The following EGFLAM variants were observed in gnomAD, a reference collection of about 807,000 sequenced individuals.
EGFLAM encodes the protein pikachurin.
A neutral mutation model predicts 113.1 loss-of-function variants in EGFLAM; 79 were observed. That is an observed-to-expected ratio of 0.70 (90% CI 0.58 to 0.84). The LOEUF is 0.84. EGFLAM is among the 40% of genes least tolerant of loss of function. The probability of loss-of-function intolerance (pLI) is 0.00; values close to 1 mark genes in which losing one functional copy is unlikely to be tolerated. For missense variants in EGFLAM, 1,265 were observed against 1,291.6 expected (o/e 0.98, Z 0.32); for synonymous variants, 504 against 487.6 (o/e 1.03, Z -0.44).
chr5:38,278,812 TG>T (rs1319177603), intron 1 of EGFLAM, among the ~76,000 whole-genome samples: 2 of 143,890 alleles, frequency 1.4e-5, no homozygotes, highest in Admixed American at 1.4e-4. Context: ...TTTTTTTTTT[TG>T]ATGTAATTTT....
chr5:38,345,537 A>G (rs528839307), intron 3 of EGFLAM: 1 of 152,322 alleles, frequency 6.6e-6, no homozygotes, highest in East Asian at 1.9e-4. Context: ...GAACCAGGCA[A>G]ACACCAAGTA....
chr5:38,332,763 C>T (rs936632219), intron 1 of EGFLAM, among the ~76,000 whole-genome samples: 3 of 152,234 alleles, frequency 2.0e-5, no homozygotes, highest in South Asian at 2.1e-4. Flanking sequence ...AGACACAGAT[C>T]ACTCATGCTA....
chr5:38,378,614 C>T (rs1740427579), intron 6 of EGFLAM, among the ~76,000 whole-genome samples: 1 of 152,322 alleles, frequency 6.6e-6, no homozygotes, highest in Middle Eastern at 3.4e-3. Flanking sequence ...CAGCTGCAGC[C>T]TCTTTCAATC....
intron 1 of EGFLAM, among the ~76,000 whole-genome samples, chr5:38,322,821 G>C (rs756382073): frequency 7.2e-5 from 11 of 152,156 alleles, no homozygotes; most frequent in Non-Finnish European, 1.6e-4. Flanking sequence ...ACAGAGAAAA[G>C]CCAGCAGGGA....
chr5:38,427,303 A>G, intron 14 of EGFLAM, 51 bp downstream of exon 14: 1 of 1,588,394 alleles, frequency 6.3e-7, no homozygotes. Flanking sequence ...GCAAATAGTA[A>G]CTGCTTCAGA....
chr5:38,452,200 T>G (rs1319323234), intron 19 of EGFLAM, among the ~76,000 whole-genome samples: 3 of 151,882 alleles, frequency 2.0e-5, no homozygotes, highest in Admixed American at 2.0e-4. Flanking sequence ...CATGTCTGGC[T>G]TTTTGTATTT....
At position 38,446,129 on chromosome 5, in the gene EGFLAM, G is replaced by T. The variant is rs145115096; in HGVS notation, c.2465-2172G>T. ...AAGGCCTCCCCCACCGCTCAGCTTG[G>T]ATCTTCTCTCCTCCTTCTCCCTTCC... On this transcript the variant is annotated intron_variant, in intron 17 of 21. Coordinates refer to ENST00000322350, the MANE Select transcript of EGFLAM (RefSeq NM_152403.4). Among the ~76,000 whole-genome samples the T allele has an allele frequency of 2.4e-3, 370 of 152,236 alleles. 2 individuals are homozygous for T. The highest frequency in any genetic ancestry group is 4.1e-3 in the Non-Finnish European group (282 of 68,014).
At chr5:38,330,303 C>T (rs1739007751) in intron 1 of EGFLAM, among the ~76,000 whole-genome samples, 1 of 152,140 alleles carries the variant, frequency 6.6e-6, no homozygotes, top group Admixed American at 6.5e-5. Flanking sequence ...GGCCATTTTC[C>T]TGCTGCTATT....
chr5:38,453,086 G>C (rs1742974073), intron 19 of EGFLAM, among the ~76,000 whole-genome samples: 1 of 152,166 alleles, frequency 6.6e-6, no homozygotes. Flanking sequence ...CTGGGAACTT[G>C]TTAGAAATCC....
chr5:38,390,117 A>G (rs1740773590), intron 6 of EGFLAM, among the ~76,000 whole-genome samples: 1 of 152,102 alleles, frequency 6.6e-6, no homozygotes, highest in Non-Finnish European at 1.5e-5. Flanking sequence ...ACTTCCCAAC[A>G]CTATTCCCTT....
Position 38,425,865 on chromosome 5 carries a change from C to T in EGFLAM, c.1810+773C>T, listed in dbSNP as rs569661247. ...AGATGAGGCCAGGCGCAGTGGCTCA[C>T]GCCTATAATCCCAGCACTCTGGGAG... On this transcript the variant is annotated intron_variant, in intron 13 of 21. Coordinates refer to ENST00000322350, the MANE Select transcript of EGFLAM (RefSeq NM_152403.4). 3.3e-5 allele frequency among the ~76,000 whole-genome samples: 5 copies of T among 152,296 alleles called. No homozygotes were observed. The South Asian group carries it at 6.2e-4, about 19-fold the overall frequency.
chr5:38,404,463 G>A (rs75672101), intron 6 of EGFLAM, among the ~76,000 whole-genome samples: 4,854 of 152,226 alleles, frequency 0.032, 109 homozygotes, highest in Middle Eastern at 0.058. Flanking sequence ...CTGCAGAACT[G>A]TGAAAAATAA....
At chr5:38,412,463 G>T (rs1385745894) in intron 10 of EGFLAM, 41 bp from the exon 11 acceptor site, 1 of 1,613,778 alleles carries the variant, frequency 6.2e-7, no homozygotes. Context: ...ATAATGGCCT[G>T]GTTCGTCAAG....
chr5:38,279,714 G>A (rs1757969544), intron 1 of EGFLAM, among the ~76,000 whole-genome samples: 1 of 152,146 alleles, frequency 6.6e-6, no homozygotes, highest in Non-Finnish European at 1.5e-5. Context: ...CAGAGGCTGG[G>A]TGGTTAGTGG....
intron 17 of EGFLAM, among the ~76,000 whole-genome samples, chr5:38,442,065 A>T (rs1217469122): frequency 6.6e-6 from 1 of 152,136 alleles, no homozygotes; most frequent in East Asian, 1.9e-4. Flanking sequence ...CATTTAGGGC[A>T]TTTATGTTGT....
intron 11 of EGFLAM, among the ~76,000 whole-genome samples, chr5:38,416,633 T>C (rs1170859898): frequency 6.6e-6 from 1 of 152,220 alleles, no homozygotes; most frequent in African/African-American, 2.4e-5. Context: ...CACTTTATGC[T>C]CTAGAAAAGG....
At chr5:38,419,714 C>T (rs529036962) in intron 12 of EGFLAM, among the ~76,000 whole-genome samples, 1 of 152,144 alleles carries the variant, frequency 6.6e-6, no homozygotes, top group African/African-American at 2.4e-5. Context: ...TAGGTGCTAT[C>T]ATTAGCCTTA....
At chr5:38,349,180 C>T (rs781442447) in intron 3 of EGFLAM, among the ~76,000 whole-genome samples, 1 of 152,186 alleles carries the variant, frequency 6.6e-6, no homozygotes, top group African/African-American at 2.4e-5. Flanking sequence ...TCCCTGCTTT[C>T]AAGTTGCTTA....
intron 20 of EGFLAM, among the ~76,000 whole-genome samples, chr5:38,460,381 A>C (rs1743231828): frequency 6.6e-6 from 1 of 152,250 alleles, no homozygotes; most frequent in Admixed American, 6.5e-5. Context: ...CCCCTAGACT[A>C]TACAACTGTT....
Sources: gnomAD v4.1 joint callset for allele counts (sites outside exome capture counted in the v4.1 genomes callset) on GRCh38, gnomAD v4.1.1 for gene constraint, MANE v1.5 for transcripts, NCBI Gene and HGNC (gene_info 2026-07-23, HGNC 2026-07-21) for gene names.